Variants in MAGI2 observed in about 807,000 individuals in gnomAD.
MAGI2 encodes membrane-associated guanylate kinase, WW and PDZ domain-containing protein 2.
MAGI2 carries 35 observed loss-of-function variants against 133.3 expected under a neutral mutation model. That is an observed-to-expected ratio of 0.26 (90% CI 0.20 to 0.35). The LOEUF (loss-of-function observed/expected upper bound fraction) is 0.35. Ranked by LOEUF, MAGI2 falls within the 10% of genes least tolerant of loss-of-function variation. MAGI2 has a pLI of 1.00. For missense variants in MAGI2, 1,636 were observed against 1,863.4 expected, an observed-to-expected ratio of 0.88 and a Z score of 2.25; for synonymous variants, 729 against 710.6, an observed-to-expected ratio of 1.03 and a Z score of -0.41.
Position 78,860,178 on chromosome 7 carries a change from G to C in MAGI2, c.418+146912C>G, listed in dbSNP as rs960994094. 3.3e-5 allele frequency among the ~76,000 whole-genome samples: 5 copies of C among 152,256 alleles called. No homozygotes were observed. In the South Asian group the frequency reaches 1.0e-3, roughly 32 times the overall value. ...AAGGTTTTTAGCTTCTTTGCTATGG[G>C]TTCAAACATTCTCCTTTAGCTTGGA... On this transcript the variant is annotated intron_variant, in intron 2 of 21. Coordinates refer to ENST00000354212, the MANE Select transcript of MAGI2 (RefSeq NM_012301.4).
At chr7:79,242,787 CA>C (rs1832517516) in intron 1 of MAGI2, among the ~76,000 whole-genome samples, 1 of 152,184 alleles carries the variant, frequency 6.6e-6, no homozygotes, top group African/African-American at 2.4e-5. Context: ...TAATTATTTG[CA>C]TTTTTCAATA....
At chr7:78,072,126 A>C (rs1814781380) in intron 21 of MAGI2, among the ~76,000 whole-genome samples, 1 of 152,204 alleles carries the variant, frequency 6.6e-6, no homozygotes, top group South Asian at 2.1e-4. Context: ...TCATTAAATT[A>C]TAATTTAGAA....
rs534346531 is a variant in MAGI2, at chr7:78,559,943, A to C, written c.539-38298T>G. 2.0e-5 allele frequency among the ~76,000 whole-genome samples: 3 copies of C among 152,302 alleles called. No homozygotes were observed. In the South Asian group the frequency reaches 6.2e-4, roughly 32 times the overall value. On this transcript the variant is annotated intron_variant, in intron 3 of 21. Transcript: ENST00000354212. ...CAAGGAAGAAAATGAGAAAAGAATAAGAAAAAATAGGGACTAAAGTAGAGA... is the reference window on the plus strand; with the variant it reads ...CAAGGAAGAAAATGAGAAAAGAATACGAAAAAATAGGGACTAAAGTAGAGA...
At position 78,127,386 on chromosome 7, in the gene MAGI2, A is replaced by G; in HGVS notation, c.3234T>C (p.Asp1078=). Residue 1078 remains aspartate, a synonymous_variant, in exon 19 of 22, where the codon GAT becomes GAC. Coordinates refer to ENST00000354212, the MANE Select transcript of MAGI2 (RefSeq NM_012301.4). ...GAGGCTGTCGGATGTCTGGTTTCAC[A>G]TCTTGCCTTGCTTTCACTTCCGACC... is the stretch of plus-strand genomic sequence containing the variant. ...SYRSEVKARQ[D]VKPDIRQPPF... is the part of the protein sequence containing the mutation. The G allele has an allele frequency of 1.9e-6, 3 of 1,606,132 alleles. No individual in the cohort carries two copies. The highest frequency in any genetic ancestry group is 2.5e-6 in the Non-Finnish European group (3 of 1,179,918).
At chr7:79,013,223 T>C (rs1249889715) in intron 1 of MAGI2, among the ~76,000 whole-genome samples, 4 of 152,060 alleles carry the variant, frequency 2.6e-5, no homozygotes, top group African/African-American at 9.7e-5. Context: ...GTTTACAAAT[T>C]AGCTATACTC....
intron 9 of MAGI2, among the ~76,000 whole-genome samples, chr7:78,296,957 C>T (rs932591740): frequency 3.9e-4 from 60 of 152,226 alleles, no homozygotes; most frequent in Non-Finnish European, 4.1e-4. Context: ...TGCTATAGCT[C>T]GCTATAGTTA....
At chr7:78,460,774 T>C (rs1584241955) in intron 6 of MAGI2, among the ~76,000 whole-genome samples, 1 of 152,220 alleles carries the variant, frequency 6.6e-6, no homozygotes, top group African/African-American at 2.4e-5. Flanking sequence ...ATAACCTGCA[T>C]ACTTTTTACA....
rs1361378575 is a variant in MAGI2 at position 78,649,222 on chromosome 7, T to TAAAAAAAAAAAAAA, written c.419-21984_419-21983insTTTTTTTTTTTTTT. The stretch of plus-strand genomic sequence containing the variant: ...GTTTCTTTTTTGGGATGACTTGTGG[T>TAAAAAAAAAAAAAA]AAAAAAAAAAAAAGAAAAAAAAAGA... On this transcript the variant is annotated intron_variant, in intron 2 of 21. Coordinates refer to ENST00000354212, the MANE Select transcript of MAGI2 (RefSeq NM_012301.4). 2.2e-3 allele frequency among the ~76,000 whole-genome samples: 99 copies of TAAAAAAAAAAAAAA among 44,972 alleles called. 3 individuals carry two copies. Among genetic ancestry groups the TAAAAAAAAAAAAAA allele is most frequent in the African/African-American group, 2.5e-3 (21 of 8,488 alleles). 29.5% of individuals were successfully genotyped at this position (44,972 alleles called of 152,430 possible).
intron 4 of MAGI2, among the ~76,000 whole-genome samples, chr7:78,508,298 A>C (rs1386296857): frequency 6.6e-6 from 1 of 152,168 alleles, no homozygotes; most frequent in Non-Finnish European, 1.5e-5. Context: ...TTCAACTCAT[A>C]AAATGGTGTA....
chr7:78,043,679 G>T lies in MAGI2; in HGVS notation c.3707-23703C>A, dbSNP rs117520157. 3.3e-3 allele frequency among the ~76,000 whole-genome samples: 499 copies of T among 152,296 alleles called. 11 individuals are homozygous for T. The highest frequency in any genetic ancestry group is 4.2e-3 in the Non-Finnish European group (287 of 68,034). ...CGGATGTACAGACAATGTCTTCACG[G>T]TCAACTTTTCACATCGTCGTTTGCT... On this transcript the variant is annotated intron_variant, in intron 21 of 21. Coordinates refer to ENST00000354212, the MANE Select transcript of MAGI2 (RefSeq NM_012301.4).
intron 3 of MAGI2, among the ~76,000 whole-genome samples, chr7:78,560,951 A>G (rs1800338842): frequency 6.6e-6 from 1 of 152,214 alleles, no homozygotes. Context: ...CAGGCATTAT[A>G]CACTCAGGTG....
At chr7:78,703,648 G>A (rs1218929787) in intron 2 of MAGI2, among the ~76,000 whole-genome samples, 3 of 152,148 alleles carry the variant, frequency 2.0e-5, no homozygotes, top group South Asian at 4.1e-4. Flanking sequence ...AATATGAGGA[G>A]TGTGGTAAAA....
chr7:78,933,656 T>C (rs1800302641), intron 2 of MAGI2, among the ~76,000 whole-genome samples: 1 of 152,092 alleles, frequency 6.6e-6, no homozygotes, highest in South Asian at 2.1e-4. Flanking sequence ...ATCATGATAA[T>C]AGTAATGTTG....
At chr7:78,831,325 A>G (rs1210691057) in intron 2 of MAGI2, among the ~76,000 whole-genome samples, 1 of 152,150 alleles carries the variant, frequency 6.6e-6, no homozygotes, top group Non-Finnish European at 1.5e-5. Context: ...TACAATTTTC[A>G]TCCTAAAGAT....
chr7:78,344,766 A>G lies in MAGI2; in HGVS notation c.1226-806T>C, dbSNP rs112661631. Among the ~76,000 whole-genome samples, 6 of 152,338 alleles carry G rather than the reference A, an allele frequency of 3.9e-5. No homozygotes were observed. In the East Asian group the frequency reaches 1.2e-3, roughly 29 times the overall value. On this transcript the variant is annotated intron_variant, in intron 8 of 21. Coordinates refer to ENST00000354212, the MANE Select transcript of MAGI2 (RefSeq NM_012301.4). ...TAGATTCAAATCATATGCCCGAATA[A>G]TCTGAATAGGCACTGCATAGATTTA... is the stretch of plus-strand genomic sequence containing the variant.
At chr7:78,667,995 A>T (rs1813841008) in intron 2 of MAGI2, among the ~76,000 whole-genome samples, 1 of 152,130 alleles carries the variant, frequency 6.6e-6, no homozygotes, top group African/African-American at 2.4e-5. Flanking sequence ...GAACTAGTTT[A>T]CAGTCCCACC....
At chr7:78,216,297 G>A (rs1019317136) in intron 10 of MAGI2, among the ~76,000 whole-genome samples, 5 of 152,220 alleles carry the variant, frequency 3.3e-5, no homozygotes, top group Admixed American at 3.3e-4. Flanking sequence ...GTCAGGTCCT[G>A]CCTGGCCTAC....
rs533979183 is a variant in MAGI2 at position 78,146,465 on chromosome 7, G to GA, written c.2846-11260dup. Among the ~76,000 whole-genome samples the GA allele has an allele frequency of 1.3e-4, 19 of 151,742 alleles. No homozygotes were observed. In the South Asian group the frequency reaches 3.5e-3, roughly 28 times the overall value. ...CAGTTAGAGATTTGGAATCTGTTTG[G>GA]AAAAAAAATTAAAGTTTTATGTACC... On this transcript the variant is annotated intron_variant, in intron 16 of 21. Transcript: ENST00000354212.
chr7:78,369,237 G>T (rs1562898720), intron 6 of MAGI2, 24 bp from the exon 7 acceptor site: 4 of 1,508,638 alleles, frequency 2.7e-6, no homozygotes, highest in Non-Finnish European at 3.7e-6. Flanking sequence ...AGTTCTTTCA[G>T]TAAATAAAGA....
Sources: allele counts gnomAD v4.1 joint callset (sites outside exome capture counted in the v4.1 genomes callset), GRCh38; gene constraint gnomAD v4.1.1; transcripts MANE v1.5; gene names NCBI Gene and HGNC (gene_info 2026-07-23, HGNC 2026-07-21).